The following FAM117B variants were observed in gnomAD, a reference collection of about 807,000 sequenced individuals.
FAM117B encodes the protein protein FAM117B.
In FAM117B, 22 loss-of-function variants were observed where a neutral mutation model predicts 52.8. The observed-to-expected ratio is 0.42, with a 90% confidence interval of 0.30 to 0.59. FAM117B has a LOEUF of 0.59. Among genes scored for constraint, FAM117B ranks in the 20% least tolerant of loss-of-function variants. The pLI, the probability that FAM117B is intolerant of heterozygous loss-of-function variation, is 0.22. For synonymous variants in FAM117B, 309 were observed against 324.1 expected, an observed-to-expected ratio of 0.95 and a Z score of 0.50; for missense variants, 678 against 802.6, an observed-to-expected ratio of 0.84 and a Z score of 1.88.
chr2:202,761,432 A>G lies in FAM117B; in HGVS notation c.1451+2079A>G, dbSNP rs575482430. ...ATTTATCTTTAAAGGGAGAGAAGAA[A>G]AGACCAGAGAGGTGTGTGTGTGTGT... On this transcript the variant is annotated intron_variant, in intron 7 of 7. Transcript: ENST00000392238. Among the ~76,000 whole-genome samples the G allele has an allele frequency of 2.0e-5, 3 of 152,304 alleles. No homozygotes were observed. The East Asian group carries it at 5.8e-4, about 29-fold the overall frequency.
chr2:202,716,284 ATG>A (rs1559108510), intron 2 of FAM117B, among the ~76,000 whole-genome samples: 1 of 151,956 alleles, frequency 6.6e-6, no homozygotes, highest in East Asian at 1.9e-4. Context: ...CATAAATGAA[ATG>A]TGTTTCTTGT....
In FAM117B at chr2:202,695,989, G is replaced by T; in HGVS notation, c.710G>T (p.Ser237Ile). Residue 237 changes from serine to isoleucine, a missense_variant, in exon 2 of 8, where the codon AGC becomes ATC. Physicochemically the swap from Ser to Ile is moderately radical, Grantham distance 142. This residue lies in a region of FAM117B where 583 missense variants were observed against 644.8 expected (regional missense o/e 0.90). Coordinates refer to ENST00000392238, the MANE Select transcript of FAM117B (RefSeq NM_173511.4). ...CTTGCTGGACACTGGCCTCGGGATA[G>T]CCATGGGCAAGCTGCACCTTGCATG... ...PYLAGHWPRD[S>I]HGQAAPCMRD... 1 of 1,614,148 alleles carries T rather than the reference G, an allele frequency of 6.2e-7. No individual in the cohort carries two copies.
At chr2:202,677,719 C>A (rs1408601275) in intron 1 of FAM117B, among the ~76,000 whole-genome samples, 1 of 152,162 alleles carries the variant, frequency 6.6e-6, no homozygotes, top group African/African-American at 2.4e-5. Context: ...ATATAAACTC[C>A]TAAAATCTCT....
At chr2:202,743,117 G>A (rs1422613576) in intron 4 of FAM117B, among the ~76,000 whole-genome samples, 1 of 152,188 alleles carries the variant, frequency 6.6e-6, no homozygotes, top group Non-Finnish European at 1.5e-5. Flanking sequence ...CAATACTGGT[G>A]CTTGTCTGTG....
intron 2 of FAM117B, among the ~76,000 whole-genome samples, chr2:202,698,443 A>G (rs1553520568): frequency 6.6e-6 from 1 of 151,834 alleles, no homozygotes; most frequent in East Asian, 1.9e-4. Flanking sequence ...CTTTTTTTGG[A>G]ATGGAGTCTC....
chr2:202,635,434 G>A lies in FAM117B; in HGVS notation c.247G>A (p.Gly83Ser). 1 of 1,221,600 alleles carries A rather than the reference G, an allele frequency of 8.2e-7. No individual in the cohort carries two copies. The highest frequency in any genetic ancestry group is 3.6e-5 in the South Asian group (1 of 27,892). 75.7% of individuals were successfully genotyped at this position (1,221,600 alleles called of 1,614,324 possible). A position where few individuals can be genotyped will look rare whatever the true frequency, so the allele number is the denominator to read the frequency against. Residue 83 changes from glycine (G) to serine (S), a missense_variant, in exon 1 of 8, where the codon GGT (glycine) becomes AGT (serine). Gly to Ser is a moderately conservative substitution (Grantham distance 56, BLOSUM62 0). Around this residue, in one of 3 missense-constraint regions of FAM117B, gnomAD observed 583 missense variants for 644.8 expected, o/e 0.90. Coordinates refer to ENST00000392238, the MANE Select transcript of FAM117B (RefSeq NM_173511.4). ...AGGCCCCGCAGGCGGCGGCGGCGGC[G>A]GTGGCCCGCGCACCGCCTCGCGCAG... ...ASGPAGGGGG[G>S]GPRTASRSTS... is the part of the protein sequence containing the mutation.
At chr2:202,670,557 G>C (rs1690275588) in intron 1 of FAM117B, among the ~76,000 whole-genome samples, 1 of 151,876 alleles carries the variant, frequency 6.6e-6, no homozygotes, top group East Asian at 1.9e-4. Context: ...CAAAGTACTG[G>C]GATAAGCCAC....
Position 202,765,755 on chromosome 2 carries a change from T to G in FAM117B, c.1761T>G (p.Ala587=). ...CACCACCAGAACCAATTGAGGAAGCTGAAGGATAGGTCACAGTGCAACGTG... is the reference window on the plus strand; with the variant it reads ...CACCACCAGAACCAATTGAGGAAGCGGAAGGATAGGTCACAGTGCAACGTG... ...LLPPPEPIEE[A]EG The change falls in exon 8 of 8, where the codon GCT becomes GCG. Residue 587 remains alanine, a synonymous_variant. Transcript: ENST00000392238. 1.2e-6 allele frequency: 2 copies of G among 1,613,944 alleles called. No individual in the cohort carries two copies. The highest frequency in any genetic ancestry group is 1.7e-6 in the Non-Finnish European group (2 of 1,179,870).
At chr2:202,747,867 C>G (rs576919283) in intron 4 of FAM117B, among the ~76,000 whole-genome samples, 1 of 152,088 alleles carries the variant, frequency 6.6e-6, no homozygotes, top group South Asian at 2.1e-4. Flanking sequence ...TTAAAATGAC[C>G]ATACTATCCA....
intron 4 of FAM117B, among the ~76,000 whole-genome samples, chr2:202,753,246 C>G (rs1243580898): frequency 1.3e-5 from 2 of 152,142 alleles, no homozygotes; most frequent in Non-Finnish European, 2.9e-5. Flanking sequence ...CTTGACAAAC[C>G]TGACAAAAAC....
intron 1 of FAM117B, among the ~76,000 whole-genome samples, chr2:202,674,102 T>C (rs1690342067): frequency 6.6e-6 from 1 of 152,172 alleles, no homozygotes; most frequent in Admixed American, 6.5e-5. Context: ...TTAGCTGCTA[T>C]CCATGGCTTT....
chr2:202,657,209 T>A (rs1358737478), intron 1 of FAM117B, among the ~76,000 whole-genome samples: 5 of 152,170 alleles, frequency 3.3e-5, no homozygotes, highest in Non-Finnish European at 7.3e-5. Context: ...TGCCTCAGCC[T>A]CCTGAGTAGC....
intron 2 of FAM117B, among the ~76,000 whole-genome samples, chr2:202,715,473 C>T (rs548753232): frequency 7.9e-5 from 12 of 152,022 alleles, no homozygotes; most frequent in South Asian, 2.1e-4. Context: ...GCGCTCCTCA[C>T]GTCCCAGACA....
chr2:202,732,170 C>T (rs974493441), intron 4 of FAM117B, among the ~76,000 whole-genome samples: 16 of 151,668 alleles, frequency 1.1e-4, no homozygotes, highest in Admixed American at 3.3e-4. Flanking sequence ...GGATTACAGG[C>T]GTGAGCCACC....
At chr2:202,731,335 ATATATATATATATATAT>A (rs1559111606) in intron 4 of FAM117B, among the ~76,000 whole-genome samples, 5 of 98,586 alleles carry the variant, frequency 5.1e-5, no homozygotes, top group Non-Finnish European at 9.3e-5. Context: ...AAATTGGAAT[ATATATATATATATATAT>A]ATATATATAT....
At chr2:202,742,396 A>G (rs1038954218) in intron 4 of FAM117B, among the ~76,000 whole-genome samples, 2 of 152,244 alleles carry the variant, frequency 1.3e-5, no homozygotes, top group Non-Finnish European at 2.9e-5. Flanking sequence ...TGACTCAAGT[A>G]CATACAGAAA....
chr2:202,635,232 C>A lies in FAM117B; in HGVS notation c.45C>A (p.Gly15=). 7.6e-7 allele frequency: 1 copy of A among 1,310,036 alleles called. No homozygotes were observed. Among genetic ancestry groups the A allele is most frequent in the South Asian group, 2.1e-5 (1 of 47,988 alleles). 81.2% of individuals were successfully genotyped at this position (1,310,036 alleles called of 1,614,324 possible). The change falls in exon 1 of 8, where the codon GGC becomes GGA. Residue 15 remains glycine, a synonymous_variant. Transcript: ENST00000392238. ...GCAATGGGTCCCCCACGCCGGCCGGCTCCCTTGGGGGTGGTGCGGTGGCCA... is the reference window on the plus strand; with the variant it reads ...GCAATGGGTCCCCCACGCCGGCCGGATCCCTTGGGGGTGGTGCGGTGGCCA... ...VRRNGSPTPA[G]SLGGGAVATA...
At chr2:202,720,424 TGTGC>T (rs201035072) in intron 2 of FAM117B, among the ~76,000 whole-genome samples, 115 of 141,416 alleles carry the variant, frequency 8.1e-4, no homozygotes, top group Middle Eastern at 3.8e-3. Context: ...TGTGTGTGTG[TGTGC>T]GCTGCAATTT....
intron 1 of FAM117B, among the ~76,000 whole-genome samples, chr2:202,646,166 A>G (rs1689859892): frequency 6.6e-6 from 1 of 151,280 alleles, no homozygotes; most frequent in Non-Finnish European, 1.5e-5. Flanking sequence ...AGCTGCGACT[A>G]CAGGGGCACA....
Sources: gnomAD v4.1 joint callset for allele counts (sites outside exome capture counted in the v4.1 genomes callset) on GRCh38, gnomAD v4.1.1 for gene constraint, gnomAD v4.1.1 regional missense constraint, MANE v1.5 for transcripts, NCBI Gene and HGNC (gene_info 2026-07-23, HGNC 2026-07-21) for gene names.